RANBP2: variants seen among roughly 807,000 people sequenced by gnomAD.
RANBP2 encodes the protein RAN binding protein 2.
In RANBP2, 57 loss-of-function variants were observed where a neutral mutation model predicts 303.6. The ratio of observed to expected loss-of-function variants is 0.19; its 90% CI spans 0.15 to 0.23. RANBP2 has a LOEUF of 0.23. Ranked by LOEUF, RANBP2 falls within the 10% of genes least tolerant of loss-of-function variation. RANBP2 has a pLI of 1.00. For missense variants in RANBP2, 3,138 were observed against 3,780.8 expected (o/e 0.83, Z 4.46); for synonymous variants, 1,167 against 1,301.5 (o/e 0.90, Z 2.23).
At chr2:109,027,860 G>A in the RANBP2 span, among the ~76,000 whole-genome samples, 1 of 152,196 alleles carries the variant, frequency 6.6e-6, no homozygotes, top group Non-Finnish European at 1.5e-5. Flanking sequence ...CCCTACTTCT[G>A]TCTCTCCCAG....
At chr2:108,805,047 C>A in the RANBP2 span, 1 of 1,117,820 alleles carries the variant, frequency 8.9e-7, no homozygotes, top group South Asian at 2.6e-5. Flanking sequence ...ATAAGACATT[C>A]TAAGAAGTAT....
In RANBP2 at chr2:108,765,331, G is replaced by A. The variant is rs140313115; in HGVS notation, c.4792G>A (p.Gly1598Arg). 16 of 1,613,832 alleles carry A rather than the reference G, an allele frequency of 9.9e-6. No homozygotes were observed. Among genetic ancestry groups the A allele is most frequent in the African/African-American group, 6.7e-5 (5 of 74,980 alleles). Reference protein sequence around the residue: ...TSETSKAPKSGFEGMFTKKEG... With the variant: ...TSETSKAPKSRFEGMFTKKEG... ...AGAGACAAGCAAGGCTCCAAAGAGCGGATTTGAGGGAATGTTCACTAAGAA... is the reference window on the plus strand; with the variant it reads ...AGAGACAAGCAAGGCTCCAAAGAGCAGATTTGAGGGAATGTTCACTAAGAA... The change falls in exon 20 of 29, where the codon GGA becomes AGA. Residue 1598 changes from glycine (G) to arginine (R), a missense_variant. Physicochemically the swap from Gly to Arg is moderately radical, Grantham distance 125. Transcript: ENST00000283195.
chr2:109,131,109 C>T, the RANBP2 span, among the ~76,000 whole-genome samples: 1 of 152,190 alleles, frequency 6.6e-6, no homozygotes, highest in Non-Finnish European at 1.5e-5. Flanking sequence ...ATGCCTAGTC[C>T]TTCCACTATG....
the RANBP2 span, among the ~76,000 whole-genome samples, chr2:109,542,363 C>G: frequency 6.6e-6 from 1 of 152,208 alleles, no homozygotes; most frequent in African/African-American, 2.4e-5. Context: ...AACGACCGCC[C>G]TGCTGTTAAG....
At chr2:109,304,795 C>T in the RANBP2 span, among the ~76,000 whole-genome samples, 12 of 152,228 alleles carry the variant, frequency 7.9e-5, no homozygotes, top group East Asian at 5.8e-4. Context: ...CAGCCCTGCC[C>T]GGGACAGCTG....
chr2:109,196,709 G>A, the RANBP2 span, among the ~76,000 whole-genome samples: 7 of 152,174 alleles, frequency 4.6e-5, no homozygotes, highest in South Asian at 2.1e-4. Flanking sequence ...GAGCTGGTGT[G>A]TGCCTCCTCC....
chr2:109,086,154 C>T, the RANBP2 span, among the ~76,000 whole-genome samples: 7 of 152,274 alleles, frequency 4.6e-5, no homozygotes, highest in African/African-American at 9.6e-5. Flanking sequence ...GCATGTAGCA[C>T]GTTTTGCTTA....
At chr2:108,916,547 C>T in the RANBP2 span, among the ~76,000 whole-genome samples, 2 of 152,166 alleles carry the variant, frequency 1.3e-5, no homozygotes, top group South Asian at 2.1e-4. Flanking sequence ...GTGCCTCTAT[C>T]CTGATCACCG....
chr2:109,529,485 G>C, the RANBP2 span, among the ~76,000 whole-genome samples: 1 of 152,190 alleles, frequency 6.6e-6, no homozygotes. Context: ...GAGATAGCAC[G>C]GCCTGGACCA....
At chr2:109,229,586 G>A in the RANBP2 span, among the ~76,000 whole-genome samples, 1 of 152,124 alleles carries the variant, frequency 6.6e-6, no homozygotes, top group East Asian at 1.9e-4. Flanking sequence ...CATTAAAAAG[G>A]CACACTCATG....
chr2:108,933,630 G>T, the RANBP2 span, among the ~76,000 whole-genome samples: 1 of 152,214 alleles, frequency 6.6e-6, no homozygotes, highest in East Asian at 1.9e-4. Context: ...CACACTGCCT[G>T]CACTTTAGTG....
chr2:109,563,602 T>G, the RANBP2 span, among the ~76,000 whole-genome samples: 1 of 152,140 alleles, frequency 6.6e-6, no homozygotes, highest in African/African-American at 2.4e-5. Context: ...CCATATAAAA[T>G]TACCAAGGAA....
chr2:108,767,086 T>A lies in RANBP2; in HGVS notation c.6547T>A (p.Phe2183Ile), dbSNP rs1359103854. ...MKSGLKDFKTFLTNDQTKVTE... is the reference protein window; with the variant it reads ...MKSGLKDFKTILTNDQTKVTE... ...GAGTGGACTGAAAGATTTCAAAACA[T>A]TTTTGACAAATGATCAAACAAAAGT... The change falls in exon 20 of 29, where the codon TTT (phenylalanine) becomes ATT (isoleucine). Residue 2183 changes from phenylalanine to isoleucine, a missense_variant. Phe to Ile is a conservative substitution (Grantham distance 21). Around this residue, in one of 20 missense-constraint regions of RANBP2, gnomAD observed 103 missense variants for 214.3 expected, o/e 0.48. Transcript: ENST00000283195. 1 of 1,611,066 alleles carries A rather than the reference T, an allele frequency of 6.2e-7. No individual in the cohort carries two copies. Among genetic ancestry groups the A allele is most frequent in the Admixed American group, 1.7e-5 (1 of 59,914 alleles).
chr2:108,997,358 G>A, the RANBP2 span, among the ~76,000 whole-genome samples: 7 of 134,402 alleles, frequency 5.2e-5, no homozygotes, highest in Non-Finnish European at 1.6e-5. Flanking sequence ...GGAGAATGGT[G>A]TGAACCCAGG....
chr2:109,448,841 C>T, the RANBP2 span, among the ~76,000 whole-genome samples: 125 of 152,248 alleles, frequency 8.2e-4, no homozygotes, highest in African/African-American at 2.9e-3. Flanking sequence ...GGTTGGGGAC[C>T]GCTGAGTTAA....
At chr2:109,668,886 C>T in the RANBP2 span, among the ~76,000 whole-genome samples, 5 of 152,154 alleles carry the variant, frequency 3.3e-5, no homozygotes, top group Admixed American at 1.3e-4. Context: ...CCATTATAAA[C>T]ACTTCTTAGC....
At chr2:109,576,668 T>C in the RANBP2 span, among the ~76,000 whole-genome samples, 2 of 152,220 alleles carry the variant, frequency 1.3e-5, no homozygotes, top group East Asian at 3.8e-4. Flanking sequence ...GGACCTATTA[T>C]ATGACCTAAA....
chr2:109,603,169 T>G, the RANBP2 span, among the ~76,000 whole-genome samples: 1 of 152,084 alleles, frequency 6.6e-6, no homozygotes, highest in Non-Finnish European at 1.5e-5. Flanking sequence ...CAGTGTGAAG[T>G]CTATCAATGC....
chr2:109,307,267 A>G, the RANBP2 span, among the ~76,000 whole-genome samples: 1 of 152,210 alleles, frequency 6.6e-6, no homozygotes, highest in Non-Finnish European at 1.5e-5. Flanking sequence ...CATTGATTTA[A>G]TTCGCAAATT....
Sources: gnomAD v4.1 joint callset for allele counts (sites outside exome capture counted in the v4.1 genomes callset) on GRCh38, gnomAD v4.1.1 for gene constraint, gnomAD v4.1.1 regional missense constraint, MANE v1.5 for transcripts, NCBI Gene and HGNC (gene_info 2026-07-23, HGNC 2026-07-21) for gene names.